Variants in SLC29A3 observed in about 807,000 individuals in gnomAD.
The protein encoded by SLC29A3 is solute carrier family 29 member 3, also known as equilibrative nucleoside transporter 3.
In SLC29A3, 18 loss-of-function variants were observed where a neutral mutation model predicts 25.4. That is an observed-to-expected ratio of 0.71 (90% CI 0.49 to 1.05). The LOEUF is 1.05. SLC29A3 is among the 50% of genes least tolerant of loss of function. The probability of loss-of-function intolerance (pLI) is 0.00; values close to 1 mark genes in which losing one functional copy is unlikely to be tolerated. For missense variants in SLC29A3, 586 were observed against 609.0 expected (o/e 0.96, Z 0.40); for synonymous variants, 258 against 267.1 (o/e 0.97, Z 0.33).
intron 4 of SLC29A3, among the ~76,000 whole-genome samples, chr10:71,376,969 T>G (rs1589248811): frequency 6.6e-6 from 1 of 151,656 alleles, no homozygotes; most frequent in African/African-American, 2.4e-5. Context: ...AGAGGCGAGG[T>G]TTCACCATGT....
chr10:71,369,678 G>A lies in SLC29A3; in HGVS notation c.*95-6017G>A, dbSNP rs112784559. Among the ~76,000 whole-genome samples the A allele has an allele frequency of 4.9e-3, 750 of 152,352 alleles. 12 individuals carry two copies. The highest frequency in any genetic ancestry group is 0.017 in the African/African-American group (717 of 41,580). On this transcript the variant is annotated intron_variant and NMD_transcript_variant, in intron 3 of 4. Transcript: ENST00000642772. ...AGGCCCTGCTTCTGCAGCAGGATGA[G>A]TGTGGTCTACATCAAAGTAAAGGGA...
chr10:71,319,397 G>T, intron 1 of SLC29A3, 87 bp downstream of exon 1: 1 of 558,408 alleles, frequency 1.8e-6, no homozygotes, highest in Non-Finnish European at 3.1e-6. Context: ...CGGGCCCTGG[G>T]GGCGGCTGCG....
chr10:71,332,430 G>A (rs989911846), intron 2 of SLC29A3, among the ~76,000 whole-genome samples: 2 of 152,226 alleles, frequency 1.3e-5, no homozygotes, highest in African/African-American at 2.4e-5. Flanking sequence ...GATTACAGGC[G>A]TGAACCACTG....
chr10:71,361,709 G>T (rs1015175699), intron 5 of SLC29A3, among the ~76,000 whole-genome samples: 3 of 152,230 alleles, frequency 2.0e-5, no homozygotes, highest in Non-Finnish European at 4.4e-5. Context: ...GGTCAGTCCT[G>T]GTTTCCTCTG....
At chr10:71,360,031 T>A (rs1847013986) in intron 5 of SLC29A3, among the ~76,000 whole-genome samples, 1 of 152,082 alleles carries the variant, frequency 6.6e-6, no homozygotes, top group South Asian at 2.1e-4. Context: ...AGGCTGCTTC[T>A]CAGTTCTTTC....
intron 1 of SLC29A3, 86 bp downstream of exon 1, chr10:71,319,396 G>A: frequency 1.8e-6 from 1 of 566,450 alleles, no homozygotes; most frequent in Non-Finnish European, 3.1e-6. Flanking sequence ...CCGGGCCCTG[G>A]GGGCGGCTGC....
intron 2 of SLC29A3, among the ~76,000 whole-genome samples, chr10:71,325,320 A>G (rs1488835693): frequency 6.6e-6 from 1 of 152,164 alleles, no homozygotes; most frequent in Non-Finnish European, 1.5e-5. Flanking sequence ...AAAAAATACC[A>G]GTCCAGAGTC....
Position 71,322,989 on chromosome 10 carries a change from A to G in SLC29A3, c.235A>G (p.Met79Val). The G allele has an allele frequency of 1.9e-6, 3 of 1,614,080 alleles. No homozygotes were observed. The highest frequency in any genetic ancestry group is 1.1e-5 in the South Asian group (1 of 91,086). Residue 79 changes from methionine (M) to valine (V), a missense_variant, in exon 2 of 6, where the codon ATG becomes GTG. By Grantham distance (21) the Met-to-Val change is conservative. Transcript: ENST00000373189. ...CTTTATCACTGCCAAGGAGTACTGG[A>G]TGTTCAAACTCCGCAACTCCTCCAG... ...NFFITAKEYW[M>V]FKLRNSSSPA...
chr10:71,337,527 C>T (rs546868571), intron 2 of SLC29A3, among the ~76,000 whole-genome samples: 7 of 152,354 alleles, frequency 4.6e-5, no homozygotes, highest in African/African-American at 1.7e-4. Context: ...TTTCCTCGCC[C>T]GCCCGGTAGG....
At chr10:71,339,196 G>A (rs1201126695) in intron 2 of SLC29A3, among the ~76,000 whole-genome samples, 4 of 152,210 alleles carry the variant, frequency 2.6e-5, no homozygotes, top group Admixed American at 2.6e-4. Context: ...CTCACTGGCT[G>A]TGGTAAGAGC....
At chr10:71,365,429 TAG>T (rs72222838), downstream of SLC29A3, 1 of 151,660 alleles carries the variant, frequency 6.6e-6, no homozygotes. Context: ...GCATCTCCAT[TAG>T]AGAGATGATT....
At chr10:71,329,745 T>C (rs1231412831) in intron 2 of SLC29A3, among the ~76,000 whole-genome samples, 1 of 152,180 alleles carries the variant, frequency 6.6e-6, no homozygotes, top group African/African-American at 2.4e-5. Flanking sequence ...AAAAGGACTA[T>C]GATTCAAGTA....
In SLC29A3 at chr10:71,322,835, C is replaced by A; in HGVS notation, c.81C>A (p.Asp27Glu). ...CCACAAGCAGCAGTCTCCGAGCTGACCAGGAGGCACTGCTTGAGAAGCTGC... is the reference window on the plus strand; with the variant it reads ...CCACAAGCAGCAGTCTCCGAGCTGAACAGGAGGCACTGCTTGAGAAGCTGC... The part of the protein sequence containing the change: ...YRTTSSSLRA[D>E]QEALLEKLLD... Residue 27 changes from aspartate to glutamate, a missense_variant, in exon 2 of 6, where the codon GAC (aspartate) becomes GAA (glutamate). Physicochemically the swap from Asp to Glu is conservative, Grantham distance 45 (BLOSUM62 2). Transcript: ENST00000373189. The A allele has an allele frequency of 6.2e-7, 1 of 1,614,218 alleles. No individual in the cohort carries two copies. Among genetic ancestry groups the A allele is most frequent in the Non-Finnish European group, 8.5e-7 (1 of 1,180,040 alleles).
intron 3 of SLC29A3, among the ~76,000 whole-genome samples, chr10:71,346,575 C>T (rs1846588700): frequency 6.6e-6 from 1 of 152,192 alleles, no homozygotes; most frequent in African/African-American, 2.4e-5. Context: ...CACGGTGACA[C>T]ATGCATGTAG....
At chr10:71,379,028 C>T (rs1417209) in intron 4 of SLC29A3, among the ~76,000 whole-genome samples, 126,241 of 152,228 alleles carry the variant, frequency 0.83, 52,770 homozygotes, top group Middle Eastern at 0.9. Context: ...AATGCTCTGC[C>T]AAATGCTTTG....
intron 3 of SLC29A3, among the ~76,000 whole-genome samples, chr10:71,372,113 C>T (rs189494207): frequency 9.1e-4 from 139 of 152,236 alleles, no homozygotes; most frequent in African/African-American, 3.2e-3. Context: ...TGGCTTTAGG[C>T]GTGAGTCAGG....
Position 71,340,905 on chromosome 10 carries a change from G to T in SLC29A3, c.301-3304G>T, listed in dbSNP as rs146276644. Among the ~76,000 whole-genome samples, 763 of 152,304 alleles carry T rather than the reference G, an allele frequency of 5.0e-3. 4 individuals are homozygous for T. Among genetic ancestry groups the T allele is most frequent in the Non-Finnish European group, 8.4e-3 (571 of 68,024 alleles). ...GTGCGGTCCAGGGAAGTAAGAGGGA[G>T]GGAAAGGGAAGTAGGGCTGGGACAC... On this transcript the variant is annotated intron_variant, in intron 2 of 5. Coordinates refer to ENST00000373189, the MANE Select transcript of SLC29A3 (RefSeq NM_018344.6).
At chr10:71,351,523 C>G in intron 3 of SLC29A3, 39 bp from the exon 4 acceptor site, 1 of 1,600,112 alleles carries the variant, frequency 6.2e-7, no homozygotes, top group Non-Finnish European at 8.6e-7. Flanking sequence ...ACAGGAGCCC[C>G]GAAGGGGTGT....
At chr10:71,342,740 C>T (rs528723468) in intron 2 of SLC29A3, among the ~76,000 whole-genome samples, 32 of 152,216 alleles carry the variant, frequency 2.1e-4, no homozygotes, top group Non-Finnish European at 3.7e-4. Flanking sequence ...GACTGAGTGC[C>T]CCCGACCAGT....
Sources: gnomAD v4.1 joint callset for allele counts (sites outside exome capture counted in the v4.1 genomes callset) on GRCh38, gnomAD v4.1.1 for gene constraint, MANE v1.5 for transcripts, NCBI Gene and HGNC (gene_info 2026-07-23, HGNC 2026-07-21) for gene names.